Variants in THRB observed in about 807,000 individuals in gnomAD.
The protein encoded by THRB is nuclear receptor subfamily 1 group A member 2.
Under a neutral mutation model 47.8 loss-of-function variants are expected in THRB, and 12 were observed. The ratio of observed to expected loss-of-function variants is 0.25; its 90% CI spans 0.16 to 0.41. The LOEUF (loss-of-function observed/expected upper bound fraction) is 0.41. Among genes scored for constraint, THRB ranks in the 10% least tolerant of loss-of-function variants. The pLI is 1.00. For missense variants in THRB, 348 were observed against 589.2 expected (o/e 0.59, Z 4.24); for synonymous variants, 218 against 212.2 (o/e 1.03, Z -0.24).
intron 1 of THRB, among the ~76,000 whole-genome samples, chr3:24,358,446 T>C (rs775102317): frequency 1.7e-4 from 26 of 152,162 alleles, no homozygotes; most frequent in South Asian, 2.1e-4. Flanking sequence ...GGAATTTATT[T>C]TGGCATAAGT....
chr3:24,476,289 T>C (rs76726503), intron 1 of THRB, among the ~76,000 whole-genome samples: 3,492 of 152,318 alleles, frequency 0.023, 148 homozygotes, highest in African/African-American at 0.078. Context: ...CTTGGTTTTC[T>C]TTCCCTCTAC....
intron 1 of THRB, among the ~76,000 whole-genome samples, chr3:24,420,579 G>A (rs1214839178): frequency 6.6e-6 from 1 of 151,780 alleles, no homozygotes; most frequent in Non-Finnish European, 1.5e-5. Flanking sequence ...CATACATATG[G>A]CCAACAAGCA....
chr3:24,373,952 C>CT (rs34750462), intron 1 of THRB, among the ~76,000 whole-genome samples: 3,413 of 150,978 alleles, frequency 0.023, 118 homozygotes, highest in African/African-American at 0.077. Flanking sequence ...CATCATTTCC[C>CT]TTTTTTTTTG....
At chr3:24,267,086 AG>A (rs2150575729) in intron 3 of THRB, among the ~76,000 whole-genome samples, 1 of 152,256 alleles carries the variant, frequency 6.6e-6, no homozygotes, top group African/African-American at 2.4e-5. Context: ...TAAGATGAAA[AG>A]GGATGAAAAG....
intron 3 of THRB, among the ~76,000 whole-genome samples, chr3:24,282,831 C>T (rs1019821883): frequency 6.6e-6 from 1 of 150,654 alleles, no homozygotes; most frequent in South Asian, 2.1e-4. Context: ...ACTAGAAAAT[C>T]TAGAAGAAAT....
chr3:24,443,490 T>C (rs2071753732), intron 1 of THRB, among the ~76,000 whole-genome samples: 1 of 152,178 alleles, frequency 6.6e-6, no homozygotes, highest in Non-Finnish European at 1.5e-5. Context: ...ATAATTTTGA[T>C]ATCAAAACTA....
intron 4 of THRB, among the ~76,000 whole-genome samples, chr3:24,196,185 T>C (rs1308535514): frequency 1.3e-5 from 2 of 152,168 alleles, no homozygotes; most frequent in African/African-American, 4.8e-5. Context: ...GTCTTCTGAC[T>C]CTAAAACCTG....
rs144397716 is a variant in THRB at position 24,257,578 on chromosome 3, A to G, written c.-42-28577T>C. Among the ~76,000 whole-genome samples the G allele has an allele frequency of 2.2e-3, 341 of 152,340 alleles. 1 individual carries two copies. The highest frequency in any genetic ancestry group is 7.8e-3 in the African/African-American group (326 of 41,576). Reference sequence around the variant, plus strand: ...AATTTTATCTGAACAGAGCTAGATAATAAATATTTTAGGATTTTTGGGCCA... The same window carrying G: ...AATTTTATCTGAACAGAGCTAGATAGTAAATATTTTAGGATTTTTGGGCCA... On this transcript the variant is annotated intron_variant, in intron 3 of 10. Transcript: ENST00000646209.
chr3:24,481,229 GTTTTTTTTTTTT>G lies in THRB; in HGVS notation c.-261+13411_-261+13422del, dbSNP rs746323691. On this transcript the variant is annotated intron_variant, in intron 1 of 10. Transcript: ENST00000646209. Reference sequence around the variant, plus strand: ...TATATGTGTGGATGCGTTTCTTTCTGTTTTTTTTTTTTTTTTTTTTTTTTTTTTACGGAAAAA... The same window carrying G: ...TATATGTGTGGATGCGTTTCTTTCTGTTTTTTTTTTTTTTTTACGGAAAAA... Among the ~76,000 whole-genome samples, 33 of 55,368 alleles carry G rather than the reference GTTTTTTTTTTTT, an allele frequency of 6.0e-4. 1 individual carries two copies. Among genetic ancestry groups the G allele is most frequent in the South Asian group, 7.2e-4 (1 of 1,390 alleles). 36.3% of individuals were successfully genotyped at this position (55,368 alleles called of 152,430 possible).
chr3:24,355,725 A>G (rs1360657762), intron 1 of THRB, among the ~76,000 whole-genome samples: 11 of 152,182 alleles, frequency 7.2e-5, no homozygotes, highest in Admixed American at 7.2e-4. Context: ...GGCTCAGTGC[A>G]TTCACCTGAA....
intron 8 of THRB, among the ~76,000 whole-genome samples, chr3:24,137,289 G>C (rs2034802818): frequency 6.6e-6 from 1 of 152,210 alleles, no homozygotes; most frequent in Admixed American, 6.5e-5. Context: ...TATTGAGCAG[G>C]TACTGTGGGC....
intron 3 of THRB, among the ~76,000 whole-genome samples, chr3:24,277,173 G>C (rs1004360826): frequency 5.9e-5 from 9 of 152,086 alleles, no homozygotes; most frequent in Admixed American, 5.9e-4. Flanking sequence ...TTTGGGAAGG[G>C]AGCAATTTTG....
chr3:24,200,102 A>G (rs1279752170), intron 4 of THRB, among the ~76,000 whole-genome samples: 2 of 152,212 alleles, frequency 1.3e-5, no homozygotes, highest in Non-Finnish European at 2.9e-5. Flanking sequence ...CATTTAGGAT[A>G]TTAGAAAAGC....
chr3:24,258,179 C>T (rs1333292297), intron 3 of THRB, among the ~76,000 whole-genome samples: 1 of 152,110 alleles, frequency 6.6e-6, no homozygotes, highest in African/African-American at 2.4e-5. Context: ...GCCTCGGACT[C>T]ATTTGGGGGA....
intron 3 of THRB, among the ~76,000 whole-genome samples, chr3:24,280,130 G>C (rs567603660): frequency 3.8e-4 from 58 of 152,290 alleles, no homozygotes; most frequent in Admixed American, 1.6e-3. Flanking sequence ...AATAGGAACA[G>C]CTCTGGTCTA....
chr3:24,209,523 G>A (rs1185004863), intron 4 of THRB, among the ~76,000 whole-genome samples: 1 of 152,188 alleles, frequency 6.6e-6, no homozygotes, highest in Non-Finnish European at 1.5e-5. Flanking sequence ...CATGTCCTTT[G>A]TAGGGACATG....
intron 1 of THRB, among the ~76,000 whole-genome samples, chr3:24,453,285 C>T (rs1169877463): frequency 6.6e-6 from 1 of 152,186 alleles, no homozygotes; most frequent in Admixed American, 6.5e-5. Flanking sequence ...ATTTTCATAA[C>T]AACTTCACAT....
rs150209444 is a variant in THRB at position 24,223,249 on chromosome 3, G to A, written c.22+5689C>T. On this transcript the variant is annotated intron_variant, in intron 4 of 10. Coordinates refer to ENST00000646209, the MANE Select transcript of THRB (RefSeq NM_001354712.2). Reference sequence around the variant, plus strand: ...GTGTTTGGTGCACAAAGGTAACAATGCAAGTGTTAAAGGTAAGTATGAGAG... The same window carrying A: ...GTGTTTGGTGCACAAAGGTAACAATACAAGTGTTAAAGGTAAGTATGAGAG... 3.9e-5 allele frequency among the ~76,000 whole-genome samples: 6 copies of A among 151,914 alleles called. No homozygotes were observed. The East Asian group carries it at 9.6e-4, about 24-fold the overall frequency.
At position 24,337,477 on chromosome 3, in the gene THRB, G is replaced by C. The variant is rs182621679; in HGVS notation, c.-260-106C>G. 1.8e-4 allele frequency: 28 copies of C among 152,266 alleles called. 1 individual carries two copies. The East Asian group carries it at 5.2e-3, about 28-fold the overall frequency. The allele number at this position is 152,266 out of a possible 1,614,324, so 9.4% of individuals were successfully genotyped here. A position where few individuals can be genotyped will look rare whatever the true frequency, so the allele number is the denominator to read the frequency against. ...TTATTTCTATGTTTAAATAGGGTCT[G>C]GTTTCAGAGCTATCTCTGATTTTGA... is the stretch of plus-strand genomic sequence containing the variant. On this transcript the variant is annotated intron_variant, in intron 1 of 10. Transcript: ENST00000646209.
Sources: gnomAD v4.1 joint callset for allele counts (sites outside exome capture counted in the v4.1 genomes callset) on GRCh38, gnomAD v4.1.1 for gene constraint, MANE v1.5 for transcripts, NCBI Gene and HGNC (gene_info 2026-07-23, HGNC 2026-07-21) for gene names.